Variants in PID1 observed in about 807,000 individuals in gnomAD.
PID1 encodes the protein phosphotyrosine interaction domain containing 1, also known as PTB-containing, cubilin and LRP1-interacting protein.
In PID1, 10 loss-of-function variants were observed where a neutral mutation model predicts 19.1. The ratio of observed to expected loss-of-function variants is 0.52; its 90% confidence interval spans 0.32 to 0.89. The LOEUF is 0.89. Among genes scored for constraint, PID1 ranks in the 40% least tolerant of loss-of-function variants. PID1 has a pLI of 0.03. For missense variants in PID1, 248 were observed against 285.3 expected (o/e 0.87, Z 0.94); for synonymous variants, 130 against 116.0 (o/e 1.12, Z -0.78).
intron 1 of PID1, among the ~76,000 whole-genome samples, chr2:229,199,453 T>C (rs1370110771): frequency 6.6e-6 from 1 of 152,064 alleles, no homozygotes; most frequent in African/African-American, 2.4e-5. Context: ...ACCATTGTTC[T>C]AGTACCTAGA....
chr2:229,199,718 A>ATT (rs1423174493), intron 1 of PID1, among the ~76,000 whole-genome samples: 50 of 115,040 alleles, frequency 4.3e-4, no homozygotes, highest in African/African-American at 7.4e-4. Context: ...GAAATATCTA[A>ATT]TTTATATATA....
chr2:229,229,757 G>T (rs1486971694), intron 1 of PID1, among the ~76,000 whole-genome samples: 1 of 152,210 alleles, frequency 6.6e-6, no homozygotes, highest in East Asian at 1.9e-4. Context: ...GCTTTCAGAT[G>T]GTTCTGTCTC....
intron 2 of PID1, among the ~76,000 whole-genome samples, chr2:229,061,156 G>A (rs1464385038): frequency 2.0e-5 from 3 of 151,966 alleles, no homozygotes; most frequent in Admixed American, 6.6e-5. Context: ...TGCTTTTAGG[G>A]TCATATCCAA....
At position 229,065,718 on chromosome 2, in the gene PID1, A is replaced by AAG. The variant is rs1260745676; in HGVS notation, c.178-39611_178-39610insCT. 3.3e-4 allele frequency among the ~76,000 whole-genome samples: 49 copies of AAG among 150,170 alleles called. 1 individual carries two copies. Among genetic ancestry groups the AAG allele is most frequent in the South Asian group, 8.3e-4 (4 of 4,796 alleles). On this transcript the variant is annotated intron_variant, in intron 2 of 2. Transcript: ENST00000392055. The stretch of plus-strand genomic sequence containing the variant: ...ATGGGTCTTTTGTGATTTACAAAAA[A>AAG]AAAAAAAAAAAAAACAGGTTGAAAT...
chr2:229,197,974 A>G (rs1194618505), intron 1 of PID1, among the ~76,000 whole-genome samples: 1 of 152,102 alleles, frequency 6.6e-6, no homozygotes, highest in Non-Finnish European at 1.5e-5. Flanking sequence ...GTTTTAAAGT[A>G]GTGGTAGCAA....
At chr2:229,185,097 T>TAA (rs1691098749) in intron 1 of PID1, among the ~76,000 whole-genome samples, 2 of 148,284 alleles carry the variant, frequency 1.3e-5, no homozygotes, top group African/African-American at 4.9e-5. Context: ...ATATCCTATA[T>TAA]ATATCCTATA....
At chr2:229,212,949 A>G (rs1691770294) in intron 1 of PID1, among the ~76,000 whole-genome samples, 1 of 152,066 alleles carries the variant, frequency 6.6e-6, no homozygotes, top group African/African-American at 2.4e-5. Context: ...TAGTTCCTCA[A>G]ACTTACTCTC....
At chr2:229,097,052 T>C (rs1694983739) in intron 2 of PID1, among the ~76,000 whole-genome samples, 1 of 152,196 alleles carries the variant, frequency 6.6e-6, no homozygotes, top group Non-Finnish European at 1.5e-5. Flanking sequence ...AAAACAGCGA[T>C]GTTTGAAGTC....
At chr2:229,226,832 C>G (rs550686470) in intron 1 of PID1, among the ~76,000 whole-genome samples, 14 of 152,272 alleles carry the variant, frequency 9.2e-5, no homozygotes, top group African/African-American at 3.1e-4. Context: ...CAACAGCAGA[C>G]AGAAAGGAGG....
chr2:229,110,796 G>A (rs2536216), intron 2 of PID1, among the ~76,000 whole-genome samples: 142,923 of 152,220 alleles, frequency 0.94, 67,403 homozygotes, highest in Non-Finnish European at 0.98. Flanking sequence ...TGCATAGTCA[G>A]TGCCATGACA....
At chr2:229,164,508 C>A (rs1321008254) in intron 1 of PID1, among the ~76,000 whole-genome samples, 1 of 152,104 alleles carries the variant, frequency 6.6e-6, no homozygotes, top group African/African-American at 2.4e-5. Context: ...TGAGTTATTC[C>A]CACATGCCCC....
chr2:229,086,684 T>G (rs1308933275), intron 2 of PID1, among the ~76,000 whole-genome samples: 1 of 152,066 alleles, frequency 6.6e-6, no homozygotes, highest in Non-Finnish European at 1.5e-5. Flanking sequence ...AGACAGAGGG[T>G]GGAGTAACAA....
At chr2:229,203,162 G>C (rs970170519) in intron 1 of PID1, among the ~76,000 whole-genome samples, 3 of 152,054 alleles carry the variant, frequency 2.0e-5, no homozygotes, top group African/African-American at 7.2e-5. Context: ...ACCAGTACTT[G>C]AGAGCCAGTG....
chr2:229,207,583 T>G (rs1266989248), intron 1 of PID1, among the ~76,000 whole-genome samples: 1 of 150,792 alleles, frequency 6.6e-6, no homozygotes, highest in African/African-American at 2.4e-5. Flanking sequence ...TACCTATTTA[T>G]CTGTAGGCAG....
At chr2:229,192,939 T>C (rs1207020681) in intron 1 of PID1, among the ~76,000 whole-genome samples, 1 of 152,226 alleles carries the variant, frequency 6.6e-6, no homozygotes, top group Non-Finnish European at 1.5e-5. Context: ...CCTAATTCCA[T>C]GCTGCTTCTT....
intron 2 of PID1, among the ~76,000 whole-genome samples, chr2:229,086,093 C>CA (rs1469916646): frequency 6.6e-6 from 1 of 151,942 alleles, no homozygotes; most frequent in Non-Finnish European, 1.5e-5. Context: ...ATGGAAAGAG[C>CA]AATATATCTT....
Position 229,145,183 on chromosome 2 carries a change from A to G in PID1, c.177+10635T>C, listed in dbSNP as rs534381286. ...TATATATATATATATATATATATAT[A>G]TATATAAACTCGAGACAGCATTTTA... On this transcript the variant is annotated intron_variant, in intron 2 of 2. Transcript: ENST00000392055. 2.9e-3 allele frequency among the ~76,000 whole-genome samples: 429 copies of G among 145,848 alleles called. 1 individual carries two copies. Among genetic ancestry groups the G allele is most frequent in the Admixed American group, 5.7e-3 (84 of 14,652 alleles).
At chr2:229,132,219 T>C (rs1689757596) in intron 2 of PID1, among the ~76,000 whole-genome samples, 1 of 152,222 alleles carries the variant, frequency 6.6e-6, no homozygotes, top group Admixed American at 6.5e-5. Flanking sequence ...TTCTATCTCC[T>C]TGGGGTCATG....
At chr2:229,244,979 G>A (rs1277629296) in intron 1 of PID1, 1 of 152,152 alleles carries the variant, frequency 6.6e-6, no homozygotes, top group African/African-American at 2.4e-5. Context: ...TCAGGTAATA[G>A]AAAGGGAGCG....
Sources: gnomAD v4.1 joint callset for allele counts (sites outside exome capture counted in the v4.1 genomes callset) on GRCh38, gnomAD v4.1.1 for gene constraint, MANE v1.5 for transcripts, NCBI Gene and HGNC (gene_info 2026-07-23, HGNC 2026-07-21) for gene names.